DMD: variants seen among roughly 807,000 people sequenced by gnomAD.
DMD encodes mutant dystrophin.
DMD carries 63 observed loss-of-function variants against 330.1 expected under a neutral mutation model. That is an observed-to-expected ratio of 0.19 (90% CI 0.16 to 0.24). The LOEUF is 0.24. Ranked by LOEUF, DMD falls within the 10% of genes least tolerant of loss-of-function variation. The probability of loss-of-function intolerance (pLI) is 1.00; values close to 1 mark genes in which losing one functional copy is unlikely to be tolerated. For missense variants in DMD, 3,344 were observed against 2,684.1 expected (o/e 1.25, Z -5.43); for synonymous variants, 1,223 against 959.8 (o/e 1.27, Z -5.07).
At chrX:32,497,205 T>G (rs749999253) in intron 19 of DMD, among the ~76,000 whole-genome samples, 23 of 111,816 alleles carry the variant, frequency 2.1e-4, no homozygotes, top group Non-Finnish European at 4.1e-4. Context: ...AGATAGTTAC[T>G]TGGTTAATGT....
intron 32 of DMD, among the ~76,000 whole-genome samples, chrX:32,388,615 C>T (rs1451955810): frequency 1.8e-5 from 2 of 110,333 alleles, no homozygotes; most frequent in Admixed American, 1.9e-4. Context: ...CATGATATGA[C>T]TACGATGTAT....
chrX:32,201,238 A>C (rs999936861), intron 44 of DMD, among the ~76,000 whole-genome samples: 4 of 112,250 alleles, frequency 3.6e-5, no homozygotes, highest in Admixed American at 9.4e-5. Flanking sequence ...ATAACAATAC[A>C]TTGTAATGAA....
At chrX:32,020,486 A>C (rs2095798934) in intron 44 of DMD, among the ~76,000 whole-genome samples, 1 of 112,096 alleles carries the variant, frequency 8.9e-6, no homozygotes, top group South Asian at 3.7e-4. Context: ...TAAAGGGGTA[A>C]TTAAGGTTAA....
chrX:32,673,831 T>TTA (rs1428266234), intron 9 of DMD, among the ~76,000 whole-genome samples: 1 of 111,821 alleles, frequency 8.9e-6, no homozygotes, highest in Non-Finnish European at 1.9e-5. Flanking sequence ...TCAAAAGAGG[T>TTA]TAACATTTGA....
chrX:33,231,354 C>T (rs1351109060), intron 1 of DMD, among the ~76,000 whole-genome samples: 2 of 111,844 alleles, frequency 1.8e-5, no homozygotes, highest in Non-Finnish European at 3.8e-5. Context: ...TTTAATCTCA[C>T]GTTCTAGTGA....
chrX:32,243,501 C>A (rs1335686943), intron 43 of DMD, among the ~76,000 whole-genome samples: 2 of 111,798 alleles, frequency 1.8e-5, no homozygotes, highest in African/African-American at 6.5e-5. Context: ...TGAATATTCC[C>A]AGTATGTTTA....
chrX:33,084,206 C>T (rs1360304489), intron 1 of DMD, among the ~76,000 whole-genome samples: 6 of 112,122 alleles, frequency 5.4e-5, no homozygotes, highest in African/African-American at 1.9e-4. Flanking sequence ...CTTCTGGATC[C>T]ATCACTGAAA....
chrX:32,345,678 T>G (rs934704256), intron 39 of DMD, among the ~76,000 whole-genome samples: 13 of 110,435 alleles, frequency 1.2e-4, no homozygotes, highest in African/African-American at 4.3e-4. Flanking sequence ...ATTAGAAAAT[T>G]AAATGTATAA....
intron 18 of DMD, among the ~76,000 whole-genome samples, chrX:32,512,897 T>C (rs1188490187): frequency 9.0e-6 from 1 of 111,525 alleles, no homozygotes; most frequent in Non-Finnish European, 1.9e-5. Flanking sequence ...GATTGGATGT[T>C]GTAAGGAAGT....
At chrX:32,844,913 A>G (rs748193409) in intron 3 of DMD, 53 bp from the exon 4 acceptor site, 1 of 981,261 alleles carries the variant, frequency 1.0e-6, no homozygotes, top group Non-Finnish European at 1.5e-6. Context: ...CCGACAATCT[A>G]CTAGAAATGA....
At chrX:32,799,297 T>A (rs2076379115) in intron 7 of DMD, among the ~76,000 whole-genome samples, 1 of 111,488 alleles carries the variant, frequency 9.0e-6, no homozygotes, top group South Asian at 3.7e-4. Context: ...GGTTTGTAAA[T>A]GTCATTTTGA....
chrX:32,241,956 T>C (rs2097210249), intron 43 of DMD, among the ~76,000 whole-genome samples: 1 of 111,196 alleles, frequency 9.0e-6, no homozygotes, highest in Non-Finnish European at 1.9e-5. Flanking sequence ...TTATGAGACA[T>C]ATGTGTCTCA....
chrX:32,212,787 A>T (rs1284928390), intron 44 of DMD, among the ~76,000 whole-genome samples: 1 of 112,041 alleles, frequency 8.9e-6, no homozygotes, highest in African/African-American at 3.2e-5. Context: ...TCTCAGGTAA[A>T]AAAATGGGAT....
At chrX:32,819,258 C>G (rs1197366101) in intron 5 of DMD, among the ~76,000 whole-genome samples, 1 of 110,871 alleles carries the variant, frequency 9.0e-6, no homozygotes, top group East Asian at 2.9e-4. Flanking sequence ...TGGCTTTCAG[C>G]AGTGCGAACG....
intron 1 of DMD, among the ~76,000 whole-genome samples, chrX:33,132,688 T>A (rs7058095): frequency 1.8e-5 from 2 of 112,527 alleles, no homozygotes; most frequent in African/African-American, 6.5e-5. Flanking sequence ...ATAAAATAGC[T>A]TGGCAACATG....
intron 37 of DMD, among the ~76,000 whole-genome samples, chrX:32,362,078 A>C (rs12396776): frequency 0.057 from 6,376 of 111,729 alleles, 407 homozygotes; most frequent in African/African-American, 0.19. Context: ...ACAAATATAA[A>C]GTCTATCACG....
chrX:31,604,797 T>C lies in DMD; in HGVS notation c.8217+22876A>G, dbSNP rs2077532647. The stretch of plus-strand genomic sequence containing the variant: ...TCTCAGCTCAGTGGTTATCATCAAG[T>C]TTGGTTCCTGTCAGCCTCCAGCGAC... On this transcript the variant is annotated intron_variant, in intron 55 of 78. Coordinates refer to ENST00000357033, the MANE Select transcript of DMD (RefSeq NM_004006.3). 2.7e-5 allele frequency among the ~76,000 whole-genome samples: 3 copies of C among 111,292 alleles called. No homozygotes were observed. The Admixed American group carries it at 2.9e-4, about 11-fold the overall frequency.
chrX:33,275,419 A>G (rs1181137521), intron 1 of DMD, among the ~76,000 whole-genome samples: 1 of 111,988 alleles, frequency 8.9e-6, no homozygotes, highest in Non-Finnish European at 1.9e-5. Context: ...TTTTGTGAGG[A>G]ATAGAATTAA....
At chrX:33,029,134 C>T (rs987367150) in intron 1 of DMD, among the ~76,000 whole-genome samples, 1 of 111,633 alleles carries the variant, frequency 9.0e-6, no homozygotes, top group Admixed American at 9.5e-5. Context: ...TGCACTTCAT[C>T]ATACTGCTCA....
Sources: allele counts gnomAD v4.1 joint callset (sites outside exome capture counted in the v4.1 genomes callset), GRCh38; gene constraint gnomAD v4.1.1; transcripts MANE v1.5; gene names NCBI Gene and HGNC (gene_info 2026-07-23, HGNC 2026-07-21).